Variants in DDX60L observed in about 807,000 individuals in gnomAD.
DDX60L encodes DExD/H-box 60 like.
A neutral mutation model predicts 211.6 loss-of-function variants in DDX60L; 191 were observed. The observed-to-expected ratio is 0.90, with a 90% CI of 0.80 to 1.02. DDX60L has a LOEUF of 1.02. Among genes scored for constraint, DDX60L ranks in the 50% least tolerant of loss-of-function variants. DDX60L has a pLI of 0.00. For synonymous variants in DDX60L, 706 were observed against 694.1 expected, an observed-to-expected ratio of 1.02 and a Z score of -0.27; for missense variants, 2,007 against 1,984.1, an observed-to-expected ratio of 1.01 and a Z score of -0.22.
chr4:168,449,457 G>A (rs1755332496), intron 8 of DDX60L, among the ~76,000 whole-genome samples: 1 of 95,916 alleles, frequency 1.0e-5, no homozygotes, highest in South Asian at 3.9e-4. Flanking sequence ...ACACTCTGGG[G>A]ACTGTGGTGG....
intron 17 of DDX60L, among the ~76,000 whole-genome samples, chr4:168,421,448 T>C (rs1373179635): frequency 6.6e-6 from 1 of 152,004 alleles, no homozygotes; most frequent in Non-Finnish European, 1.5e-5. Context: ...TCACCTGAGG[T>C]GATCAAGACC....
intron 8 of DDX60L, among the ~76,000 whole-genome samples, chr4:168,449,651 G>A (rs985071870): frequency 2.8e-3 from 21 of 7,480 alleles, no homozygotes; most frequent in African/African-American, 7.2e-3. Context: ...AAAAAAAAAT[G>A]CAAAAAAAAA....
chr4:168,361,287 G>A, intron 36 of DDX60L, 76 bp from the exon 37 acceptor site: 1 of 974,068 alleles, frequency 1.0e-6, no homozygotes, highest in Non-Finnish European at 1.6e-6. Context: ...CTTTAATAGT[G>A]GTCTGTCCAT....
intron 19 of DDX60L, among the ~76,000 whole-genome samples, chr4:168,417,158 G>T (rs912412072): frequency 6.6e-6 from 1 of 151,898 alleles, no homozygotes; most frequent in Non-Finnish European, 1.5e-5. Flanking sequence ...AGCCCTAATG[G>T]TATTATTAAA....
chr4:168,439,485 G>A (rs907091313), intron 10 of DDX60L, among the ~76,000 whole-genome samples: 7 of 151,926 alleles, frequency 4.6e-5, no homozygotes, highest in African/African-American at 9.7e-5. Context: ...TGGACTTGCC[G>A]AGCCAGTCCC....
In DDX60L at chr4:168,471,832, T is replaced by C; in HGVS notation, c.179A>G (p.Gln60Arg). ...CLGVKSFKWG[Q>R]NLHFFYLVEC... ...AACCAGATAGAAAAAGTGGAGATTC[T>C]GTCCCCACTTGAATGATTTTACACC... The change falls in exon 4 of 38, where the codon CAG (glutamine) becomes CGG (arginine). Residue 60 changes from glutamine to arginine, a missense_variant. By Grantham distance (43) the Gln-to-Arg change is conservative (BLOSUM62 1). Coordinates refer to ENST00000682922, the MANE Select transcript of DDX60L (RefSeq NM_001012967.3). The C allele has an allele frequency of 6.2e-7, 1 of 1,613,698 alleles. No homozygotes were observed.
rs140297051 is a variant in DDX60L at position 168,476,413 on chromosome 4, A to T, written c.-110-3604T>A. On this transcript the variant is annotated intron_variant, in intron 1 of 37. Transcript: ENST00000682922. Reference sequence around the variant, plus strand: ...ACCATAAAAATGGAGATAGCAAGACATTCTCTGTCTCTGAATGGAATATGA... The same window carrying T: ...ACCATAAAAATGGAGATAGCAAGACTTTCTCTGTCTCTGAATGGAATATGA... Among the ~76,000 whole-genome samples, 1,384 of 152,302 alleles carry T rather than the reference A, an allele frequency of 9.1e-3. 23 individuals are homozygous for T. The highest frequency in any genetic ancestry group is 0.028 in the African/African-American group (1,169 of 41,572).
intron 26 of DDX60L, among the ~76,000 whole-genome samples, chr4:168,396,940 T>C (rs1302354014): frequency 6.6e-6 from 1 of 152,210 alleles, no homozygotes; most frequent in Non-Finnish European, 1.5e-5. Context: ...CAAATTCATA[T>C]GTTGAAATCC....
At chr4:168,436,133 C>T (rs1753006996) in intron 10 of DDX60L, among the ~76,000 whole-genome samples, 1 of 152,192 alleles carries the variant, frequency 6.6e-6, no homozygotes, top group Non-Finnish European at 1.5e-5. Flanking sequence ...CTTAGGTGTG[C>T]TATTCTGGCT....
At chr4:168,392,137 G>A (rs1055463947) in intron 28 of DDX60L, among the ~76,000 whole-genome samples, 1 of 152,044 alleles carries the variant, frequency 6.6e-6, no homozygotes, top group Non-Finnish European at 1.5e-5. Flanking sequence ...CTTAAGATAG[G>A]GTAATAATGT....
chr4:168,429,079 T>C (rs1172946199), intron 13 of DDX60L, among the ~76,000 whole-genome samples: 1 of 152,168 alleles, frequency 6.6e-6, no homozygotes, highest in Admixed American at 6.5e-5. Flanking sequence ...CTGATGGAAA[T>C]GTTAGGCCTA....
chr4:168,422,015 C>T, intron 16 of DDX60L, 106 bp from the exon 17 acceptor site: 5 of 1,426,988 alleles, frequency 3.5e-6, no homozygotes, highest in Non-Finnish European at 4.8e-6. Flanking sequence ...TATTATGCTA[C>T]CTTTGGGGGA....
At chr4:168,360,905 C>A (rs542877304) in intron 37 of DDX60L, among the ~76,000 whole-genome samples, 1 of 152,048 alleles carries the variant, frequency 6.6e-6, no homozygotes, top group Admixed American at 6.5e-5. Flanking sequence ...GGCTCTGATC[C>A]GAATGAAATT....
intron 5 of DDX60L, among the ~76,000 whole-genome samples, chr4:168,459,797 A>C (rs1242484865): frequency 7.4e-6 from 1 of 134,858 alleles, no homozygotes; most frequent in African/African-American, 2.7e-5. Flanking sequence ...GGAAGGAAGG[A>C]AGGAAGGAAG....
chr4:168,410,606 C>T (rs1467705492), intron 22 of DDX60L, among the ~76,000 whole-genome samples: 9 of 152,302 alleles, frequency 5.9e-5, no homozygotes, highest in South Asian at 2.1e-4. Context: ...TGGCTAATGT[C>T]ATTATATCTT....
intron 1 of DDX60L, among the ~76,000 whole-genome samples, chr4:168,475,584 C>A (rs1759365338): frequency 6.6e-6 from 1 of 151,256 alleles, no homozygotes; most frequent in South Asian, 2.1e-4. Flanking sequence ...AATAGCTAAC[C>A]AATTTGAGAA....
At chr4:168,368,615 A>G (rs1025378585) in intron 36 of DDX60L, among the ~76,000 whole-genome samples, 1 of 152,176 alleles carries the variant, frequency 6.6e-6, no homozygotes, top group Non-Finnish European at 1.5e-5. Flanking sequence ...AGAATGGTAG[A>G]CCCACTGAAA....
intron 30 of DDX60L, among the ~76,000 whole-genome samples, chr4:168,382,108 T>C (rs1368225599): frequency 3.3e-5 from 5 of 152,304 alleles, no homozygotes; most frequent in African/African-American, 1.2e-4. Context: ...TATATAAGAA[T>C]ATGGAAAACT....
At chr4:168,422,755 T>G in intron 15 of DDX60L, 85 bp from the exon 16 acceptor site, 1 of 1,054,624 alleles carries the variant, frequency 9.5e-7, no homozygotes, top group Non-Finnish European at 1.4e-6. Context: ...GCACATTCTA[T>G]GCACAAGGCA....
Sources: gnomAD v4.1 joint callset for allele counts (sites outside exome capture counted in the v4.1 genomes callset) on GRCh38, gnomAD v4.1.1 for gene constraint, MANE v1.5 for transcripts, NCBI Gene and HGNC (gene_info 2026-07-23, HGNC 2026-07-21) for gene names.